Variants in EXOC4 observed in about 807,000 individuals in gnomAD.
The protein encoded by EXOC4 is SEC8-like 1.
In EXOC4, 71 loss-of-function variants were observed where a neutral mutation model predicts 107.2. That is an observed-to-expected ratio of 0.66 (90% CI 0.55 to 0.81). The LOEUF (loss-of-function observed/expected upper bound fraction) is 0.81, where lower values mean the gene tolerates loss of function less well. EXOC4 is among the 30% of genes least tolerant of loss of function. The pLI, the probability that EXOC4 is intolerant of heterozygous loss-of-function variation, is 0.00. For missense variants in EXOC4, 1,108 were observed against 1,189.6 expected (o/e 0.93, Z 1.01); for synonymous variants, 456 against 441.2 (o/e 1.03, Z -0.42).
chr7:133,857,552 C>T (rs1328885854), intron 11 of EXOC4, among the ~76,000 whole-genome samples: 2 of 149,564 alleles, frequency 1.3e-5, no homozygotes, highest in African/African-American at 4.9e-5. Context: ...CAGACCCAGA[C>T]CCATGCCCAC....
intron 10 of EXOC4, among the ~76,000 whole-genome samples, chr7:133,734,892 T>G (rs778040109): frequency 2.6e-5 from 4 of 151,920 alleles, no homozygotes; most frequent in Admixed American, 6.6e-5. Context: ...TAACAAGTCA[T>G]GACTCACTTC....
chr7:133,755,956 A>G (rs1795908259), intron 10 of EXOC4, among the ~76,000 whole-genome samples: 1 of 152,156 alleles, frequency 6.6e-6, no homozygotes, highest in African/African-American at 2.4e-5. Context: ...ATTCTCAGTA[A>G]GATCATTGGG....
chr7:133,256,986 G>A (rs550868442), intron 1 of EXOC4, among the ~76,000 whole-genome samples: 27 of 152,318 alleles, frequency 1.8e-4, no homozygotes, highest in Admixed American at 2.0e-4. Context: ...AGTATTATAT[G>A]ATTTTTTAAG....
chr7:133,503,273 G>A (rs1042667542), intron 9 of EXOC4, among the ~76,000 whole-genome samples: 1 of 152,054 alleles, frequency 6.6e-6, no homozygotes, highest in Non-Finnish European at 1.5e-5. Context: ...AATCTGGGGA[G>A]TTATTTTAAA....
intron 9 of EXOC4, among the ~76,000 whole-genome samples, chr7:133,591,612 G>A (rs978576630): frequency 5.3e-5 from 8 of 151,522 alleles, no homozygotes; most frequent in African/African-American, 1.9e-4. Context: ...TAGCAACACT[G>A]TCTCTTTTCT....
At chr7:133,583,938 G>A (rs1425507842) in intron 9 of EXOC4, among the ~76,000 whole-genome samples, 1 of 152,188 alleles carries the variant, frequency 6.6e-6, no homozygotes. Context: ...TTTAGTTAGA[G>A]ATAACGAACT....
chr7:133,630,213 A>G (rs1287464371), intron 10 of EXOC4, 72 bp downstream of exon 10: 7 of 1,176,652 alleles, frequency 5.9e-6, no homozygotes, highest in Non-Finnish European at 8.8e-6. Context: ...ACTGAATGCC[A>G]GTTGTTGAGT....
intron 17 of EXOC4, among the ~76,000 whole-genome samples, chr7:134,051,537 T>G (rs1795788257): frequency 6.6e-6 from 1 of 151,730 alleles, no homozygotes; most frequent in African/African-American, 2.4e-5. Flanking sequence ...CTGGGTGTGG[T>G]GGCACATGCC....
At chr7:134,021,920 A>AGAGG (rs886881215) in intron 17 of EXOC4, among the ~76,000 whole-genome samples, 4 of 151,852 alleles carry the variant, frequency 2.6e-5, no homozygotes, top group Non-Finnish European at 5.9e-5. Context: ...TATTGGGGAC[A>AGAGG]GAGGGAGGGA....
In EXOC4 at chr7:133,267,412, C is replaced by T. The variant is rs770683661; in HGVS notation, c.87-7570C>T. ...TGTTCCTTGAGCAGGCTAAACACAC[C>T]CTGTTTCAGGGTCTGTTCTCTCTGG... is the stretch of plus-strand genomic sequence containing the variant. On this transcript the variant is annotated intron_variant, in intron 1 of 17. Transcript: ENST00000253861. Among the ~76,000 whole-genome samples the T allele has an allele frequency of 3.3e-5, 5 of 152,266 alleles. No individual in the cohort carries two copies. In the East Asian group the frequency reaches 9.7e-4, roughly 29 times the overall value.
At chr7:133,307,513 G>A (rs1563011673) in intron 4 of EXOC4, among the ~76,000 whole-genome samples, 1 of 152,088 alleles carries the variant, frequency 6.6e-6, no homozygotes, top group Non-Finnish European at 1.5e-5. Context: ...ATTATTTGAG[G>A]TCTCAGAGGA....
intron 10 of EXOC4, among the ~76,000 whole-genome samples, chr7:133,804,256 A>T (rs1408636021): frequency 2.0e-5 from 3 of 152,190 alleles, no homozygotes; most frequent in African/African-American, 7.2e-5. Context: ...GCTTACCTGA[A>T]TTAATGATCA....
intron 11 of EXOC4, among the ~76,000 whole-genome samples, chr7:133,844,083 C>T (rs937188446): frequency 2.6e-5 from 4 of 152,054 alleles, no homozygotes; most frequent in South Asian, 4.2e-4. Context: ...TGTTGAGGAC[C>T]TTGGCATCTA....
At chr7:133,910,400 T>A (rs1349748112) in intron 12 of EXOC4, among the ~76,000 whole-genome samples, 2 of 152,230 alleles carry the variant, frequency 1.3e-5, no homozygotes, top group Non-Finnish European at 2.9e-5. Context: ...CAAAGCCTTT[T>A]TCCCTTGGTC....
At chr7:133,767,441 A>G (rs1361460422) in intron 10 of EXOC4, among the ~76,000 whole-genome samples, 1 of 151,604 alleles carries the variant, frequency 6.6e-6, no homozygotes, top group Admixed American at 6.6e-5. Context: ...CCTTTTATAT[A>G]CACACACACA....
chr7:133,390,318 G>T (rs997575711), intron 7 of EXOC4, among the ~76,000 whole-genome samples: 3 of 152,168 alleles, frequency 2.0e-5, no homozygotes, highest in Non-Finnish European at 4.4e-5. Flanking sequence ...AGTTTCTCAT[G>T]ATGATGCCAC....
chr7:134,082,221 G>A, the EXOC4 span, among the ~76,000 whole-genome samples: 544 of 152,228 alleles, frequency 3.6e-3, 1 homozygote, highest in African/African-American at 0.012. Flanking sequence ...GCTAAACAAC[G>A]GGTAGATTAT....
intron 6 of EXOC4, among the ~76,000 whole-genome samples, chr7:133,369,807 T>A (rs1229150159): frequency 5.7e-5 from 8 of 140,916 alleles, no homozygotes; most frequent in Admixed American, 4.2e-4. Flanking sequence ...TTCCTTTTTT[T>A]TTTTTTTTTT....
At chr7:133,290,744 A>G (rs1053872499) in intron 3 of EXOC4, 1 of 152,080 alleles carries the variant, frequency 6.6e-6, no homozygotes, top group African/African-American at 2.4e-5. Context: ...TTTTTCTGAC[A>G]TATTTTCCTC....
Sources: allele counts gnomAD v4.1 joint callset (sites outside exome capture counted in the v4.1 genomes callset), GRCh38; gene constraint gnomAD v4.1.1; transcripts MANE v1.5; gene names NCBI Gene and HGNC (gene_info 2026-07-23, HGNC 2026-07-21).